The following MISFA variants were observed in gnomAD, a reference collection of about 807,000 sequenced individuals.
The protein encoded by MISFA is mitochondrial sheath formation-associated protein.
the MISFA span, chr11:18,603,867 A>T: frequency 2.5e-6 from 1 of 397,056 alleles, no homozygotes; most frequent in Non-Finnish European, 4.4e-6. Context: ...GGTTTCACAT[A>T]AAGTAATTGC....
chr11:18,603,239 G>A, the MISFA span: 1 of 398,882 alleles, frequency 2.5e-6, no homozygotes, highest in African/African-American at 2.1e-5. Context: ...ACTTTGAAAT[G>A]TATTCCCGCC....
the MISFA span, among the ~76,000 whole-genome samples, chr11:18,600,200 T>TTAG: frequency 6.6e-6 from 1 of 151,706 alleles, no homozygotes; most frequent in African/African-American, 2.4e-5. Context: ...TATTTTTTAT[T>TTAG]TATTATTATT....
At chr11:18,599,975 T>C in the MISFA span, 2 of 398,922 alleles carry the variant, frequency 5.0e-6, no homozygotes. Context: ...GTGTGTTACA[T>C]GGGCACGTTT....
the MISFA span, chr11:18,601,292 G>A: frequency 1.0e-5 from 4 of 398,004 alleles, no homozygotes; most frequent in Non-Finnish European, 1.3e-5. Context: ...ATAATAAACT[G>A]TGGAAGGGGA....
the MISFA span, chr11:18,607,804 A>G: frequency 6.6e-6 from 1 of 152,198 alleles, no homozygotes; most frequent in Non-Finnish European, 1.5e-5. Context: ...AGTAACAGAC[A>G]CACAAGGTTA....
At chr11:18,606,828 T>C in the MISFA span, 1 of 367,290 alleles carries the variant, frequency 2.7e-6, no homozygotes. Context: ...GAGAAAATCT[T>C]GGGGATTACA....
chr11:18,599,875 G>A, the MISFA span: 22 of 398,650 alleles, frequency 5.5e-5, no homozygotes, highest in African/African-American at 8.2e-5. Context: ...CAAGATCTTG[G>A]TGAATAGTCT....
chr11:18,601,327 G>A, the MISFA span: 1 of 397,792 alleles, frequency 2.5e-6, no homozygotes, highest in Non-Finnish European at 4.4e-6. Context: ...TACTGCTGAG[G>A]ACAGCAGGCC....
chr11:18,607,098 A>C, the MISFA span: 2 of 194,926 alleles, frequency 1.0e-5, no homozygotes, highest in African/African-American at 4.8e-5. Flanking sequence ...CCTGGTCTCA[A>C]GTGATCCGCC....
At chr11:18,609,804 G>A in the MISFA span, 1 of 1,532,970 alleles carries the variant, frequency 6.5e-7, no homozygotes, top group Admixed American at 1.8e-5. Context: ...TCAGTCTGAA[G>A]GCAGGAAATC....
the MISFA span, chr11:18,601,841 T>G: frequency 3.6e-6 from 1 of 279,190 alleles, no homozygotes; most frequent in Admixed American, 5.2e-5. Flanking sequence ...TTCTTTGAAC[T>G]TCAGTTTCGA....
the MISFA span, among the ~76,000 whole-genome samples, chr11:18,605,377 C>A: frequency 2.0e-5 from 3 of 152,044 alleles, no homozygotes; most frequent in African/African-American, 4.8e-5. Context: ...GGAACTGTAC[C>A]CATTCTGAGG....
chr11:18,605,410 T>C, the MISFA span, among the ~76,000 whole-genome samples: 12 of 152,326 alleles, frequency 7.9e-5, no homozygotes, highest in East Asian at 2.3e-3. Flanking sequence ...GTTCCAGTAT[T>C]CAAAAGAAGT....
chr11:18,603,387 C>G, the MISFA span, among the ~76,000 whole-genome samples: 1 of 152,208 alleles, frequency 6.6e-6, no homozygotes, highest in African/African-American at 2.4e-5. Flanking sequence ...AGAGTCAAAG[C>G]TTTCTGAGTT....
the MISFA span, among the ~76,000 whole-genome samples, chr11:18,603,375 C>A: frequency 6.6e-6 from 1 of 152,074 alleles, no homozygotes; most frequent in East Asian, 1.9e-4. Context: ...TCTTTAAGGC[C>A]CAGAGTCAAA....
At chr11:18,604,904 G>A in the MISFA span, among the ~76,000 whole-genome samples, 1 of 152,042 alleles carries the variant, frequency 6.6e-6, no homozygotes, top group Admixed American at 6.6e-5. Flanking sequence ...AGAGACTGTG[G>A]GATATCCAAG....
At chr11:18,603,623 C>T in the MISFA span, 3 of 396,920 alleles carry the variant, frequency 7.6e-6, no homozygotes, top group East Asian at 7.1e-5. Context: ...GTGCTAAGCT[C>T]CCCTTGCATC....
At chr11:18,604,565 G>A in the MISFA span, among the ~76,000 whole-genome samples, 1 of 151,700 alleles carries the variant, frequency 6.6e-6, no homozygotes, top group African/African-American at 2.4e-5. Context: ...GGAGGCAGTG[G>A]TTGCAGTGAG....
the MISFA span, chr11:18,607,586 A>G: frequency 6.5e-6 from 1 of 152,798 alleles, no homozygotes; most frequent in African/African-American, 2.4e-5. Flanking sequence ...CCTTAATGAA[A>G]TAACAGCCTA....
Sources: allele counts gnomAD v4.1 joint callset (sites outside exome capture counted in the v4.1 genomes callset), GRCh38; gene constraint gnomAD v4.1.1; transcripts MANE v1.5; gene names NCBI Gene and HGNC (gene_info 2026-07-23, HGNC 2026-07-21).